CHN2: variants seen among roughly 807,000 people sequenced by gnomAD.
The protein encoded by CHN2 is beta-chimaerin.
CHN2 carries 35 observed loss-of-function variants against 56.3 expected under a neutral mutation model. That is an observed-to-expected ratio of 0.62 (90% confidence interval 0.47 to 0.82). The LOEUF is 0.82. Among genes scored for constraint, CHN2 ranks in the 40% least tolerant of loss-of-function variants. The probability of loss-of-function intolerance (pLI) is 0.00; values close to 1 mark genes in which losing one functional copy is unlikely to be tolerated. For missense variants in CHN2, 491 were observed against 580.5 expected (o/e 0.85, Z 1.58); for synonymous variants, 210 against 212.8 (o/e 0.99, Z 0.12).
intron 1 of CHN2, among the ~76,000 whole-genome samples, chr7:29,296,844 A>T (rs1793201138): frequency 6.6e-6 from 1 of 152,206 alleles, no homozygotes; most frequent in Admixed American, 6.5e-5. Context: ...GTACAGAGTG[A>T]CTTCTTAGGG....
chr7:29,416,983 G>C (rs1479926643), intron 6 of CHN2, among the ~76,000 whole-genome samples: 2 of 152,180 alleles, frequency 1.3e-5, no homozygotes, highest in Non-Finnish European at 2.9e-5. Context: ...GGGCTTCAGG[G>C]CCAGTGGCTG....
intron 2 of CHN2, among the ~76,000 whole-genome samples, chr7:29,365,557 A>G (rs1346635542): frequency 6.6e-6 from 1 of 152,248 alleles, no homozygotes; most frequent in Non-Finnish European, 1.5e-5. Context: ...AACTAAGGAC[A>G]TGATGATAAG....
At chr7:29,417,502 A>AT (rs1158080627) in intron 6 of CHN2, among the ~76,000 whole-genome samples, 2 of 151,906 alleles carry the variant, frequency 1.3e-5, no homozygotes, top group African/African-American at 4.8e-5. Flanking sequence ...CGCCCGGCTA[A>AT]TTTTTTGTAT....
In CHN2 at chr7:29,473,483, TG is replaced by T. The variant is rs374612892; in HGVS notation, c.577-6795del. ...GTGTGTGTTTGTGTTTTTTTTTTTT[TG>T]TGTGTGTGTGTGTGTGTGTGTGTTC... On this transcript the variant is annotated intron_variant, in intron 6 of 12. Coordinates refer to ENST00000222792, the MANE Select transcript of CHN2 (RefSeq NM_004067.4). Among the ~76,000 whole-genome samples the T allele has an allele frequency of 8.5e-3, 611 of 72,002 alleles. 3 individuals are homozygous for T. Among genetic ancestry groups the T allele is most frequent in the African/African-American group, 0.027 (574 of 21,594 alleles). 47.2% of individuals were successfully genotyped at this position (72,002 alleles called of 152,430 possible).
intron 1 of CHN2, chr7:29,213,182 C>G (rs1473198908): frequency 1.5e-6 from 2 of 1,374,328 alleles, no homozygotes; most frequent in Non-Finnish European, 2.0e-6. Context: ...TATTCCTAAA[C>G]TACTCCACGA....
chr7:29,392,805 C>T, intron 3 of CHN2, among the ~76,000 whole-genome samples: 1 of 152,222 alleles, frequency 6.6e-6, no homozygotes, highest in East Asian at 1.9e-4. Context: ...GTGAATAAAA[C>T]AGCTGCCAAG....
In CHN2 at chr7:29,286,097, C is replaced by T. The variant is rs144584831; in HGVS notation, c.50-68528C>T. On this transcript the variant is annotated intron_variant, in intron 1 of 12. Transcript: ENST00000222792. ...CACTAGAGCTCCTCCTGCATGCCCACAAACATGTAGGAGCCTCTTTTCGAG... is the reference window on the plus strand; with the variant it reads ...CACTAGAGCTCCTCCTGCATGCCCATAAACATGTAGGAGCCTCTTTTCGAG... 7.1e-3 allele frequency among the ~76,000 whole-genome samples: 1,084 copies of T among 152,250 alleles called. 7 individuals carry two copies. Among genetic ancestry groups the T allele is most frequent in the Non-Finnish European group, 0.011 (747 of 68,024 alleles).
chr7:29,331,227 G>C (rs1194334005), intron 1 of CHN2, among the ~76,000 whole-genome samples: 1 of 152,220 alleles, frequency 6.6e-6, no homozygotes, highest in African/African-American at 2.4e-5. Context: ...ACTCAGCTGG[G>C]ATGTTGAAGA....
intron 6 of CHN2, among the ~76,000 whole-genome samples, chr7:29,468,698 C>G (rs1383166349): frequency 6.6e-6 from 1 of 152,090 alleles, no homozygotes; most frequent in Admixed American, 6.5e-5. Flanking sequence ...TCAGATTCCC[C>G]CGACTGCTGC....
intron 1 of CHN2, among the ~76,000 whole-genome samples, chr7:29,259,916 T>C (rs1789404643): frequency 6.6e-6 from 1 of 152,192 alleles, no homozygotes; most frequent in Non-Finnish European, 1.5e-5. Flanking sequence ...TGGAAACTAA[T>C]GAAAAATGAT....
intron 6 of CHN2, among the ~76,000 whole-genome samples, chr7:29,472,299 G>GCACGCA (rs573766742): frequency 4.2e-4 from 44 of 105,550 alleles, no homozygotes; most frequent in African/African-American, 1.6e-3. Flanking sequence ...ACACACACAC[G>GCACGCA]CACACACACA....
intron 1 of CHN2, among the ~76,000 whole-genome samples, chr7:29,220,280 A>AAAGAG (rs1554366787): frequency 2.5e-4 from 34 of 138,164 alleles, no homozygotes; most frequent in African/African-American, 8.4e-4. Flanking sequence ...AAAAAAAAAA[A>AAAGAG]AGAGAGAGAG....
chr7:29,193,312 G>T (rs139586306), upstream of CHN2: 15 of 152,206 alleles, frequency 9.9e-5, no homozygotes, highest in East Asian at 2.9e-3. Context: ...TGCGTACTGT[G>T]ATTATTTAAC....
chr7:29,444,528 C>T (rs1783899119), intron 6 of CHN2, among the ~76,000 whole-genome samples: 1 of 152,204 alleles, frequency 6.6e-6, no homozygotes, highest in Non-Finnish European at 1.5e-5. Flanking sequence ...AGTCTGTCAT[C>T]CTCAGTGCCT....
intron 1 of CHN2, among the ~76,000 whole-genome samples, chr7:29,340,517 G>A (rs1796965389): frequency 6.6e-6 from 1 of 152,144 alleles, no homozygotes; most frequent in Non-Finnish European, 1.5e-5. Context: ...TTAGCCATGT[G>A]TGCTTGCTAA....
At chr7:29,408,327 G>A (rs1031490326) in intron 6 of CHN2, among the ~76,000 whole-genome samples, 2 of 152,184 alleles carry the variant, frequency 1.3e-5, no homozygotes, top group Non-Finnish European at 2.9e-5. Context: ...ATTGTCAAGT[G>A]CAGGGCTTGA....
At chr7:29,390,215 A>G (rs1801253946) in intron 3 of CHN2, among the ~76,000 whole-genome samples, 1 of 152,166 alleles carries the variant, frequency 6.6e-6, no homozygotes, top group African/African-American at 2.4e-5. Flanking sequence ...TTTTTGAGCC[A>G]GCTGGATCAT....
At chr7:29,312,243 T>G (rs569012670) in intron 1 of CHN2, among the ~76,000 whole-genome samples, 1 of 151,814 alleles carries the variant, frequency 6.6e-6, no homozygotes, top group South Asian at 2.1e-4. Context: ...ACTTTTTTTC[T>G]GCTTTGCTCC....
At chr7:29,225,797 C>T (rs1360236145) in intron 1 of CHN2, among the ~76,000 whole-genome samples, 4 of 152,038 alleles carry the variant, frequency 2.6e-5, no homozygotes, top group Non-Finnish European at 5.9e-5. Flanking sequence ...CCTTGCCTCA[C>T]GTTGAGGGGA....
Sources: allele counts gnomAD v4.1 joint callset (sites outside exome capture counted in the v4.1 genomes callset), GRCh38; gene constraint gnomAD v4.1.1; transcripts MANE v1.5; gene names NCBI Gene and HGNC (gene_info 2026-07-23, HGNC 2026-07-21).